NLGN4X: variants seen among roughly 807,000 people sequenced by gnomAD.
NLGN4X encodes the protein neuroligin-4, X-linked.
In NLGN4X, 3 loss-of-function variants were observed where a neutral mutation model predicts 40.3. That is an observed-to-expected ratio of 0.07 (90% CI 0.03 to 0.19). NLGN4X has a LOEUF of 0.19. Ranked by LOEUF, NLGN4X falls within the 10% of genes least tolerant of loss-of-function variation. The pLI is 1.00. For missense variants in NLGN4X, 382 were observed against 708.3 expected, an observed-to-expected ratio of 0.54 and a Z score of 5.23; for synonymous variants, 270 against 306.8, an observed-to-expected ratio of 0.88 and a Z score of 1.25.
chrX:6,092,469 A>G (rs1043108341), intron 2 of NLGN4X, among the ~76,000 whole-genome samples: 1 of 112,149 alleles, frequency 8.9e-6, no homozygotes, highest in African/African-American at 3.2e-5. Context: ...TCTAGCTTCT[A>G]TCAGAAGGAA....
chrX:6,160,533 AAT>A (rs1491523193), intron 1 of NLGN4X, among the ~76,000 whole-genome samples: 4 of 89,710 alleles, frequency 4.5e-5, no homozygotes, highest in African/African-American at 1.9e-4. Context: ...TCTATAAAAT[AAT>A]TTTTTTTTTT....
At chrX:6,108,434 G>A (rs1272744913) in intron 2 of NLGN4X, among the ~76,000 whole-genome samples, 6 of 111,603 alleles carry the variant, frequency 5.4e-5, no homozygotes, top group African/African-American at 2.0e-4. Context: ...GGAGGCCGAG[G>A]TGGGCTGATC....
At chrX:6,071,039 G>A (rs1024361594) in intron 2 of NLGN4X, among the ~76,000 whole-genome samples, 4 of 111,485 alleles carry the variant, frequency 3.6e-5, no homozygotes, top group Non-Finnish European at 5.7e-5. Flanking sequence ...TGAGGTGAGC[G>A]GACTGCTTGA....
intron 3 of NLGN4X, among the ~76,000 whole-genome samples, chrX:5,963,236 G>A (rs1320808477): frequency 1.8e-5 from 2 of 110,864 alleles, no homozygotes; most frequent in Non-Finnish European, 3.8e-5. Flanking sequence ...TGAACAGAAT[G>A]ACACTAGAAA....
At chrX:6,072,267 T>G (rs181776181) in intron 2 of NLGN4X, among the ~76,000 whole-genome samples, 4 of 111,198 alleles carry the variant, frequency 3.6e-5, no homozygotes, top group Non-Finnish European at 7.5e-5. Flanking sequence ...GCATATGAGA[T>G]TTGGAATTTT....
At chrX:5,954,426 G>C (rs752640893) in intron 3 of NLGN4X, among the ~76,000 whole-genome samples, 1 of 96,955 alleles carries the variant, frequency 1.0e-5, no homozygotes, top group African/African-American at 3.9e-5. Context: ...TAAGAGATGA[G>C]GTCTCACTAT....
intron 2 of NLGN4X, among the ~76,000 whole-genome samples, chrX:6,050,176 T>C (rs958166797): frequency 5.4e-5 from 6 of 111,967 alleles, no homozygotes; most frequent in Non-Finnish European, 1.1e-4. Flanking sequence ...CAGGGAGCCT[T>C]ATGCAACAAT....
intron 2 of NLGN4X, among the ~76,000 whole-genome samples, chrX:6,113,953 T>C: frequency 9.0e-6 from 1 of 110,968 alleles, no homozygotes; most frequent in Admixed American, 9.7e-5. Context: ...CCCAAGTAGC[T>C]GTAACTACAG....
At chrX:6,161,852 T>C (rs2040407871) in intron 1 of NLGN4X, among the ~76,000 whole-genome samples, 1 of 111,135 alleles carries the variant, frequency 9.0e-6, no homozygotes, top group Admixed American at 9.7e-5. Flanking sequence ...TTAAAGAGAT[T>C]TATATAGATA....
chrX:6,089,972 G>A (rs1305084614), intron 2 of NLGN4X, among the ~76,000 whole-genome samples: 2 of 110,905 alleles, frequency 1.8e-5, no homozygotes, highest in Non-Finnish European at 3.8e-5. Flanking sequence ...TGAGACTGTG[G>A]TTATCAGTAT....
At position 6,041,070 on chromosome X, in the gene NLGN4X, T is replaced by C. The variant is rs994213284; in HGVS notation, c.473-11638A>G. ...GTGACACACTGTCCTTATTCTTAGC[T>C]TTCATTATAAGAGGACTTGAACACA... On this transcript the variant is annotated intron_variant, in intron 2 of 5. Transcript: ENST00000381095. Among the ~76,000 whole-genome samples the C allele has an allele frequency of 2.7e-5, 3 of 111,540 alleles. No homozygotes were observed. In the East Asian group the frequency reaches 8.5e-4, roughly 32 times the overall value.
At chrX:6,206,554 T>C (rs896965057) in intron 1 of NLGN4X, among the ~76,000 whole-genome samples, 11 of 111,971 alleles carry the variant, frequency 9.8e-5, no homozygotes, top group Non-Finnish European at 1.9e-4. Flanking sequence ...AGTTCTGAAG[T>C]CTAGAAGTCC....
chrX:6,205,744 AATTATCTACCATAAATT>A (rs759028428), intron 1 of NLGN4X, among the ~76,000 whole-genome samples: 2 of 112,272 alleles, frequency 1.8e-5, no homozygotes, highest in African/African-American at 3.2e-5. Context: ...GTGCAATTTC[AATTATCTACCATAAATT>A]ACACACTGTG....
At chrX:5,925,879 C>CATATATATAT (rs2033268045) in intron 3 of NLGN4X, among the ~76,000 whole-genome samples, 9 of 46,796 alleles carry the variant, frequency 1.9e-4, no homozygotes, top group East Asian at 1.5e-3. Context: ...TATACATACA[C>CATATATATAT]ACATATATAT....
intron 1 of NLGN4X, among the ~76,000 whole-genome samples, chrX:6,156,901 T>C (rs1176692078): frequency 9.1e-6 from 1 of 109,327 alleles, no homozygotes; most frequent in Admixed American, 9.7e-5. Flanking sequence ...AGATTGAATA[T>C]GTTTAAGGTA....
intron 3 of NLGN4X, among the ~76,000 whole-genome samples, chrX:6,013,720 T>C (rs932955766): frequency 1.8e-5 from 2 of 109,641 alleles, no homozygotes; most frequent in South Asian, 4.0e-4. Context: ...TAGCTGGGCG[T>C]GGTGGTGCAT....
At chrX:6,127,949 G>A (rs999501798) in intron 2 of NLGN4X, among the ~76,000 whole-genome samples, 10 of 105,341 alleles carry the variant, frequency 9.5e-5, no homozygotes, top group Non-Finnish European at 1.6e-4. Context: ...TTTACAACAT[G>A]TAAAACTCAA....
At chrX:5,984,111 T>C (rs1428891988) in intron 3 of NLGN4X, among the ~76,000 whole-genome samples, 1 of 106,977 alleles carries the variant, frequency 9.3e-6, no homozygotes, top group Admixed American at 9.9e-5. Flanking sequence ...TTGAAAAAAA[T>C]AGAAATACAA....
chrX:6,077,270 T>TTGTG (rs201491267), intron 2 of NLGN4X, among the ~76,000 whole-genome samples: 271 of 78,186 alleles, frequency 3.5e-3, no homozygotes, highest in African/African-American at 0.01. Context: ...AAATTTTATT[T>TTGTG]TGTGTGTGTG....
Sources: gnomAD v4.1 joint callset for allele counts (sites outside exome capture counted in the v4.1 genomes callset) on GRCh38, gnomAD v4.1.1 for gene constraint, MANE v1.5 for transcripts, NCBI Gene and HGNC (gene_info 2026-07-23, HGNC 2026-07-21) for gene names.